TRPS1: variants seen among roughly 807,000 people sequenced by gnomAD.
TRPS1 encodes zinc finger transcription factor Trps1.
Under a neutral mutation model 101.2 loss-of-function variants are expected in TRPS1, and 6 were observed. That is an observed-to-expected ratio of 0.06 (90% CI 0.03 to 0.12). The LOEUF (loss-of-function observed/expected upper bound fraction) is 0.12, where lower values mean the gene tolerates loss of function less well. TRPS1 is among the 10% of genes least tolerant of loss of function. The pLI is 1.00. For missense variants in TRPS1, 1,363 were observed against 1,567.0 expected (o/e 0.87, Z 2.20); for synonymous variants, 578 against 589.8 (o/e 0.98, Z 0.29).
intron 5 of TRPS1, among the ~76,000 whole-genome samples, chr8:115,427,322 A>T (rs781328043): frequency 2.0e-5 from 3 of 152,132 alleles, no homozygotes; most frequent in Non-Finnish European, 4.4e-5. Context: ...AGAATTTTTG[A>T]ATCAACTATT....
At chr8:115,454,415 G>C (rs1192249688) in intron 5 of TRPS1, among the ~76,000 whole-genome samples, 1 of 152,146 alleles carries the variant, frequency 6.6e-6, no homozygotes, top group East Asian at 1.9e-4. Flanking sequence ...CTATGTATAA[G>C]TTGTTTTGAC....
At chr8:115,415,989 AT>A (rs961736102) in intron 6 of TRPS1, among the ~76,000 whole-genome samples, 79 of 150,520 alleles carry the variant, frequency 5.2e-4, no homozygotes, top group Middle Eastern at 3.4e-3. Flanking sequence ...ATAGAGAGGG[AT>A]TTTTTTTTTC....
chr8:115,521,166 G>T (rs1244717336), intron 5 of TRPS1, among the ~76,000 whole-genome samples: 1 of 150,952 alleles, frequency 6.6e-6, no homozygotes, highest in Non-Finnish European at 1.5e-5. Flanking sequence ...CTATTTTCTG[G>T]TTCCTAGCCT....
intron 1 of TRPS1, among the ~76,000 whole-genome samples, chr8:115,665,506 C>T (rs1811901502): frequency 6.6e-6 from 1 of 152,118 alleles, no homozygotes; most frequent in Non-Finnish European, 1.5e-5. Flanking sequence ...AGGAAGAGAT[C>T]TATATGATGT....
At chr8:115,635,257 G>T (rs985762543) in intron 1 of TRPS1, among the ~76,000 whole-genome samples, 3 of 152,252 alleles carry the variant, frequency 2.0e-5, no homozygotes, top group Non-Finnish European at 2.9e-5. Context: ...TGGAAACTCT[G>T]CAAGCAATTA....
intron 5 of TRPS1, among the ~76,000 whole-genome samples, chr8:115,450,427 A>G (rs1225581191): frequency 2.0e-5 from 3 of 152,138 alleles, no homozygotes; most frequent in Non-Finnish European, 4.4e-5. Flanking sequence ...AATGCCTTAC[A>G]TTCCATTTCC....
chr8:115,441,845 G>T (rs1159397711), intron 5 of TRPS1, among the ~76,000 whole-genome samples: 5 of 151,224 alleles, frequency 3.3e-5, no homozygotes, highest in East Asian at 3.9e-4. Context: ...ATTCTACCAT[G>T]ATAGGTCTCC....
chr8:115,525,112 A>G (rs950580318), intron 5 of TRPS1, among the ~76,000 whole-genome samples: 1 of 152,176 alleles, frequency 6.6e-6, no homozygotes, highest in Non-Finnish European at 1.5e-5. Flanking sequence ...TTGAACAAAA[A>G]AAACTTTCAA....
At chr8:115,517,895 T>C (rs1350980202) in intron 5 of TRPS1, among the ~76,000 whole-genome samples, 2 of 151,742 alleles carry the variant, frequency 1.3e-5, no homozygotes, top group African/African-American at 2.4e-5. Context: ...TGTTTGATAA[T>C]TGCATTTGTG....
intron 1 of TRPS1, among the ~76,000 whole-genome samples, chr8:115,637,017 C>T (rs748076650): frequency 4.5e-4 from 68 of 151,882 alleles, no homozygotes; most frequent in African/African-American, 2.9e-4. Context: ...TTATTTCTTT[C>T]GTTCATAATA....
chr8:115,604,891 A>C lies in TRPS1; in HGVS notation c.1078T>G (p.Ser360Ala), dbSNP rs750422341. The change falls in exon 4 of 7, where the codon TCC (serine) becomes GCC (alanine). Residue 360 changes from serine to alanine, a missense_variant. Ser to Ala is a moderately conservative substitution (Grantham distance 99). This residue lies in a region of TRPS1 where 1,020 missense variants were observed against 1,073.0 expected (regional missense o/e 0.95). Coordinates refer to ENST00000395715, the MANE Select transcript of TRPS1 (RefSeq NM_014112.5). The surrounding 1 kb of genome is among the most constrained non-coding windows in gnomAD (Gnocchi z 4.1). ...AGAAAATGTTGTTCTAATTCGGTGG[A>C]TGAGTTGCCCATATAAGTGAAATTG... is the stretch of plus-strand genomic sequence containing the variant. ...FCNFTYMGNS[S>A]TELEQHFLQT... The C allele has an allele frequency of 2.5e-6, 4 of 1,614,062 alleles. No individual in the cohort carries two copies. The South Asian group carries it at 4.4e-5, about 18-fold the overall frequency.
chr8:115,612,527 T>C (rs1358587865), intron 3 of TRPS1, among the ~76,000 whole-genome samples: 3 of 152,162 alleles, frequency 2.0e-5, no homozygotes, highest in Non-Finnish European at 2.9e-5. Flanking sequence ...AAAAAGAAAG[T>C]TGTTGTGGGG....
chr8:115,615,311 C>T (rs1160836866), intron 3 of TRPS1, among the ~76,000 whole-genome samples: 1 of 152,174 alleles, frequency 6.6e-6, no homozygotes, highest in Non-Finnish European at 1.5e-5. Context: ...TGACAAGACT[C>T]CTACTTTTAT....
rs558996326 is a variant in TRPS1, at chr8:115,424,360, T to A, written c.2701-5908A>T. Among the ~76,000 whole-genome samples, 20 of 152,362 alleles carry A rather than the reference T, an allele frequency of 1.3e-4. No homozygotes were observed. In the South Asian group the frequency reaches 3.7e-3, roughly 28 times the overall value. On this transcript the variant is annotated intron_variant, in intron 5 of 6. Coordinates refer to ENST00000395715, the MANE Select transcript of TRPS1 (RefSeq NM_014112.5). ...TATGAGCAAAGCTTCTGGTACGATT[T>A]CACAGTAATACAATTTCAGTGGTAA...
At chr8:115,533,400 C>A (rs1252623401) in intron 5 of TRPS1, among the ~76,000 whole-genome samples, 1 of 136,418 alleles carries the variant, frequency 7.3e-6, no homozygotes, top group African/African-American at 2.7e-5. Context: ...CTGAACAAGA[C>A]CAAACATTAA....
chr8:115,587,226 C>A lies in TRPS1; in HGVS notation c.2475G>T (p.Gly825=). 6.2e-7 allele frequency: 1 copy of A among 1,614,214 alleles called. No individual in the cohort carries two copies. The highest frequency in any genetic ancestry group is 8.5e-7 in the Non-Finnish European group (1 of 1,180,026). The part of the protein sequence containing the change: ...GSPSYTQASL[G]LLTPVSGTQE... ...GGGTGCCAGACACAGGCGTCAGCAG[C>A]CCCAGGCTTGCTTGGGTGTATGACG... Residue 825 remains glycine, a synonymous_variant, in exon 5 of 7, where the codon GGG becomes GGT. Coordinates refer to ENST00000395715, the MANE Select transcript of TRPS1 (RefSeq NM_014112.5).
chr8:115,598,230 A>T (rs1817831930), intron 4 of TRPS1, among the ~76,000 whole-genome samples: 1 of 152,108 alleles, frequency 6.6e-6, no homozygotes, highest in South Asian at 2.1e-4. Context: ...AATTTTTCCA[A>T]GTATGTATAA....
At chr8:115,499,744 G>T (rs1016559432) in intron 5 of TRPS1, among the ~76,000 whole-genome samples, 4 of 152,052 alleles carry the variant, frequency 2.6e-5, no homozygotes, top group East Asian at 1.9e-4. Flanking sequence ...GTTCTTGTAG[G>T]TTTAAAAAAT....
At chr8:115,525,608 G>T (rs539825613) in intron 5 of TRPS1, among the ~76,000 whole-genome samples, 3 of 152,096 alleles carry the variant, frequency 2.0e-5, no homozygotes, top group Non-Finnish European at 4.4e-5. Flanking sequence ...CTATAGTGTT[G>T]ATTTTCATTA....
Sources: allele counts gnomAD v4.1 joint callset (sites outside exome capture counted in the v4.1 genomes callset), GRCh38; gene constraint gnomAD v4.1.1; regional missense constraint gnomAD v4.1.1; non-coding constraint Gnocchi (gnomAD v3.1); transcripts MANE v1.5; gene names NCBI Gene and HGNC (gene_info 2026-07-23, HGNC 2026-07-21).